Variants in PDE4D observed in about 807,000 individuals in gnomAD.
PDE4D encodes the protein phosphodiesterase 4D.
A neutral mutation model predicts 87.4 loss-of-function variants in PDE4D; 24 were observed. That is an observed-to-expected ratio of 0.27 (90% CI 0.20 to 0.39). The LOEUF (loss-of-function observed/expected upper bound fraction) is 0.39. Ranked by LOEUF, PDE4D falls within the 10% of genes least tolerant of loss-of-function variation. The pLI is 1.00. For synonymous variants in PDE4D, 384 were observed against 383.2 expected, an observed-to-expected ratio of 1.00 and a Z score of -0.02; for missense variants, 714 against 1,041.0, an observed-to-expected ratio of 0.69 and a Z score of 4.32.
chr5:59,002,860 A>G lies in PDE4D; in HGVS notation c.922-9395T>C, dbSNP rs151164103. Among the ~76,000 whole-genome samples, 893 of 152,322 alleles carry G rather than the reference A, an allele frequency of 5.9e-3. 7 individuals carry two copies. Among genetic ancestry groups the G allele is most frequent in the African/African-American group, 0.02 (848 of 41,578 alleles). The stretch of plus-strand genomic sequence containing the variant: ...TTACATAGCAATAAATAACCAGAAC[A>G]GATACATATGAGGATTAAATGAGAC... On this transcript the variant is annotated intron_variant, in intron 6 of 14. Transcript: ENST00000340635.
chr5:59,036,141 G>T (rs1459034961), intron 6 of PDE4D, among the ~76,000 whole-genome samples: 1 of 152,194 alleles, frequency 6.6e-6, no homozygotes, highest in African/African-American at 2.4e-5. Flanking sequence ...AACCCAGTTT[G>T]TTAAATGGGT....
chr5:59,938,731 C>A (rs10066510), intron 3 of PDE4D, among the ~76,000 whole-genome samples: 24,381 of 152,104 alleles, frequency 0.16, 3,029 homozygotes, highest in African/African-American at 0.35. Context: ...AAGGCCTACC[C>A]ATTCAATCTG....
intron 1 of PDE4D, among the ~76,000 whole-genome samples, chr5:59,284,107 T>C (rs935618356): frequency 6.6e-6 from 1 of 152,196 alleles, no homozygotes; most frequent in African/African-American, 2.4e-5. Context: ...GGCAGGATTA[T>C]CTTTCTTTTC....
chr5:60,394,429 G>C (rs1391554032), intron 1 of PDE4D, among the ~76,000 whole-genome samples: 5 of 152,142 alleles, frequency 3.3e-5, no homozygotes, highest in African/African-American at 7.2e-5. Context: ...AGTTAATTTA[G>C]GAATTGTGTT....
chr5:60,435,045 G>A (rs894874053), intron 1 of PDE4D, among the ~76,000 whole-genome samples: 1 of 152,118 alleles, frequency 6.6e-6, no homozygotes, highest in African/African-American at 2.4e-5. Context: ...GGACAATTAT[G>A]AGATGTGTTT....
chr5:59,927,423 C>T (rs1755415071), intron 3 of PDE4D, among the ~76,000 whole-genome samples: 1 of 152,174 alleles, frequency 6.6e-6, no homozygotes, highest in Non-Finnish European at 1.5e-5. Flanking sequence ...CCAGACAAAG[C>T]ACACTGCAGC....
At chr5:60,483,181 C>T (rs1294619345) in intron 1 of PDE4D, among the ~76,000 whole-genome samples, 1 of 152,034 alleles carries the variant, frequency 6.6e-6, no homozygotes. Context: ...GGGTGGGGGA[C>T]AGAGTTTCAC....
intron 1 of PDE4D, among the ~76,000 whole-genome samples, chr5:59,568,486 G>A (rs73099633): frequency 0.023 from 3,521 of 152,134 alleles, 130 homozygotes; most frequent in African/African-American, 0.08. Context: ...CTTCCAAAGG[G>A]TAGGTATGAA....
intron 1 of PDE4D, among the ~76,000 whole-genome samples, chr5:60,420,560 A>G (rs1181706196): frequency 1.3e-5 from 2 of 152,220 alleles, no homozygotes; most frequent in East Asian, 3.8e-4. Flanking sequence ...AAATCACCAG[A>G]TAAAGAAATA....
At chr5:59,695,215 C>A (rs976885062) in intron 1 of PDE4D, among the ~76,000 whole-genome samples, 6 of 150,772 alleles carry the variant, frequency 4.0e-5, no homozygotes, top group African/African-American at 1.5e-4. Flanking sequence ...AAAAAAATAT[C>A]GAGTCAAGGA....
At chr5:59,570,187 A>G (rs979897998) in intron 1 of PDE4D, among the ~76,000 whole-genome samples, 4 of 152,136 alleles carry the variant, frequency 2.6e-5, no homozygotes, top group African/African-American at 9.7e-5. Flanking sequence ...TTTAAAAAAA[A>G]CCCACATTCT....
intron 1 of PDE4D, among the ~76,000 whole-genome samples, chr5:60,313,397 C>A (rs1755231763): frequency 6.6e-6 from 1 of 152,094 alleles, no homozygotes; most frequent in Non-Finnish European, 1.5e-5. Flanking sequence ...AAATTCAAAT[C>A]CTGAACAGAC....
intron 6 of PDE4D, among the ~76,000 whole-genome samples, chr5:59,009,057 C>G (rs903809557): frequency 9.2e-5 from 14 of 152,116 alleles, no homozygotes; most frequent in African/African-American, 3.1e-4. Flanking sequence ...GTATAAAATA[C>G]AAAATACAAA....
chr5:60,090,971 C>T (rs1276738677), intron 2 of PDE4D, among the ~76,000 whole-genome samples: 1 of 151,978 alleles, frequency 6.6e-6, no homozygotes, highest in Non-Finnish European at 1.5e-5. Flanking sequence ...TAAATTTAAC[C>T]AAACAAGTGA....
intron 1 of PDE4D, among the ~76,000 whole-genome samples, chr5:60,326,132 A>C (rs891476008): frequency 2.6e-5 from 4 of 152,154 alleles, no homozygotes; most frequent in Admixed American, 1.3e-4. Flanking sequence ...AAACACTTAC[A>C]TACAGGTTTT....
intron 1 of PDE4D, among the ~76,000 whole-genome samples, chr5:59,509,898 T>C (rs1038142602): frequency 6.8e-6 from 1 of 147,292 alleles, no homozygotes; most frequent in African/African-American, 2.4e-5. Flanking sequence ...ATAAACTTTA[T>C]AAATTATATA....
intron 1 of PDE4D, among the ~76,000 whole-genome samples, chr5:59,278,699 CTTTATA>C (rs1765278886): frequency 6.6e-6 from 1 of 151,904 alleles, no homozygotes; most frequent in African/African-American, 2.4e-5. Context: ...TAAAAGGTAA[CTTTATA>C]TTTATTCTGT....
At chr5:60,267,141 T>A (rs1750302424) in intron 1 of PDE4D, among the ~76,000 whole-genome samples, 1 of 152,204 alleles carries the variant, frequency 6.6e-6, no homozygotes, top group African/African-American at 2.4e-5. Context: ...TGTGTTTCCG[T>A]TACATTTACA....
chr5:59,784,913 C>T (rs549955013), intron 1 of PDE4D, among the ~76,000 whole-genome samples: 127 of 151,762 alleles, frequency 8.4e-4, no homozygotes, highest in Non-Finnish European at 7.8e-4. Flanking sequence ...CATGGTTTTT[C>T]TCTCATTTTC....
Sources: gnomAD v4.1 joint callset for allele counts (sites outside exome capture counted in the v4.1 genomes callset) on GRCh38, gnomAD v4.1.1 for gene constraint, MANE v1.5 for transcripts, NCBI Gene and HGNC (gene_info 2026-07-23, HGNC 2026-07-21) for gene names.